Variants in BCL7B observed in about 807,000 individuals in gnomAD.
BCL7B encodes the protein BAF chromatin remodeling complex subunit BCL7B, also known as B-cell CLL/lymphoma 7 protein family member B.
In BCL7B, 11 loss-of-function variants were observed where a neutral mutation model predicts 26.5. The ratio of observed to expected loss-of-function variants is 0.42; its 90% CI spans 0.26 to 0.69. BCL7B has a LOEUF of 0.69. BCL7B is among the 30% of genes least tolerant of loss of function. The pLI, the probability that BCL7B is intolerant of heterozygous loss-of-function variation, is 0.28. For missense variants in BCL7B, 215 were observed against 264.4 expected (o/e 0.81, Z 1.30); for synonymous variants, 111 against 107.9 (o/e 1.03, Z -0.18).
Position 73,543,577 on chromosome 7 carries a change from G to C in BCL7B, c.236C>G (p.Ala79Gly), listed in dbSNP as rs1554583168. ...EPNGFPSDASANSSLLLEFQD... is the reference protein window; with the variant it reads ...EPNGFPSDASGNSSLLLEFQD... ...GAATTCAAGAAGGAGAGAGGAATTGGCTGAGGCATCAGAAGGAAAGCCATT... is the reference window on the plus strand; with the variant it reads ...GAATTCAAGAAGGAGAGAGGAATTGCCTGAGGCATCAGAAGGAAAGCCATT... Residue 79 changes from alanine to glycine, a missense_variant, in exon 3 of 6, where the codon GCC becomes GGC. Coordinates refer to ENST00000223368, the MANE Select transcript of BCL7B (RefSeq NM_001707.4). 6.2e-7 allele frequency: 1 copy of C among 1,613,882 alleles called. No homozygotes were observed. The highest frequency in any genetic ancestry group is 2.2e-5 in the East Asian group (1 of 44,872).
chr7:73,553,468 T>G (rs912610038), intron 1 of BCL7B: 1 of 152,006 alleles, frequency 6.6e-6, no homozygotes, highest in African/African-American at 2.4e-5. Context: ...GGTCAAGAGA[T>G]CGAGACCATC....
At chr7:73,537,423 C>T (rs782079710) in intron 5 of BCL7B, 33 bp from the exon 6 acceptor site, 1 of 1,565,092 alleles carries the variant, frequency 6.4e-7, no homozygotes, top group South Asian at 1.1e-5. Flanking sequence ...ATGCCAGGGC[C>T]ACCCCTCCCA....
At chr7:73,549,090 G>C (rs1792064725) in intron 2 of BCL7B, among the ~76,000 whole-genome samples, 1 of 152,172 alleles carries the variant, frequency 6.6e-6, no homozygotes, top group South Asian at 2.1e-4. Context: ...TCCCTTCCAA[G>C]AATATATCCT....
intron 1 of BCL7B, among the ~76,000 whole-genome samples, chr7:73,552,784 A>G (rs1461326914): frequency 6.6e-6 from 1 of 152,016 alleles, no homozygotes; most frequent in Non-Finnish European, 1.5e-5. Context: ...CTCAAAAGAA[A>G]GAAAGAAAAA....
At position 73,557,365 on chromosome 7, in the gene BCL7B, C is replaced by G. The variant is rs544597664; in HGVS notation, c.92+122G>C. On this transcript the variant is annotated intron_variant, in intron 1 of 5. Coordinates refer to ENST00000223368, the MANE Select transcript of BCL7B (RefSeq NM_001707.4). ...CGACGCCAGCGGCGCCCTCCTCCCG[C>G]CTTCTCCCGCACCCCCCTCCCCCAG... The G allele has an allele frequency of 2.1e-4, 251 of 1,185,284 alleles. No individual in the cohort carries two copies. The African/African-American group carries it at 3.7e-3, about 17-fold the overall frequency. 73.4% of individuals were successfully genotyped at this position (1,185,284 alleles called of 1,614,324 possible).
At chr7:73,552,624 A>G (rs1406596328) in intron 1 of BCL7B, among the ~76,000 whole-genome samples, 1 of 151,916 alleles carries the variant, frequency 6.6e-6, no homozygotes, top group Non-Finnish European at 1.5e-5. Context: ...ACAAAAAAAA[A>G]ACAAAAAGTA....
rs1459629773 is a variant in BCL7B at position 73,542,892 on chromosome 7, T to C, written c.265+656A>G. ...GAGTTCACAACCAGCCTGGACAACA[T>C]AGCCAGACTCTGTCTCTACAAAAAA... is the stretch of plus-strand genomic sequence containing the variant. On this transcript the variant is annotated intron_variant, in intron 3 of 5. Transcript: ENST00000223368. 7 of 447,488 alleles carry C rather than the reference T, an allele frequency of 1.6e-5. No individual in the cohort carries two copies. The East Asian group carries it at 2.8e-4, about 18-fold the overall frequency. The allele number at this position is 447,488 out of a possible 1,614,324, so 27.7% of individuals were successfully genotyped here. A position where few individuals can be genotyped will look rare whatever the true frequency, so the allele number is the denominator to read the frequency against.
intron 1 of BCL7B, among the ~76,000 whole-genome samples, chr7:73,555,401 C>CAAAAAAA (rs71517395): frequency 7.3e-6 from 1 of 136,768 alleles, no homozygotes; most frequent in African/African-American, 2.9e-5. Context: ...GACTCTGTCT[C>CAAAAAAA]AAAAAAAAAG....
At chr7:73,539,234 A>G (rs564800012) in intron 4 of BCL7B, among the ~76,000 whole-genome samples, 2 of 151,948 alleles carry the variant, frequency 1.3e-5, no homozygotes, top group East Asian at 3.9e-4. Flanking sequence ...TGCTGGGATT[A>G]CAGGTGTGAG....
intron 2 of BCL7B, among the ~76,000 whole-genome samples, chr7:73,544,900 A>C (rs1791898806): frequency 6.6e-6 from 1 of 152,082 alleles, no homozygotes; most frequent in Non-Finnish European, 1.5e-5. Context: ...CTCTACAAAA[A>C]AATAAAAAAT....
intron 4 of BCL7B, among the ~76,000 whole-genome samples, chr7:73,538,664 G>A (rs1421597306): frequency 6.6e-6 from 1 of 151,604 alleles, no homozygotes; most frequent in African/African-American, 2.4e-5. Flanking sequence ...AAAATTAAAA[G>A]AAAGCCAGGC....
At chr7:73,541,849 A>G (rs1470222138) in intron 3 of BCL7B, among the ~76,000 whole-genome samples, 1 of 152,092 alleles carries the variant, frequency 6.6e-6, no homozygotes, top group East Asian at 1.9e-4. Flanking sequence ...CTCAGTGCCT[A>G]CTGTTCTCCT....
chr7:73,541,836 G>A lies in BCL7B; in HGVS notation c.265+1712C>T, dbSNP rs1336192282. 2.6e-5 allele frequency among the ~76,000 whole-genome samples: 4 copies of A among 152,114 alleles called. No homozygotes were observed. In the South Asian group the frequency reaches 6.2e-4, roughly 24 times the overall value. On this transcript the variant is annotated intron_variant, in intron 3 of 5. Coordinates refer to ENST00000223368, the MANE Select transcript of BCL7B (RefSeq NM_001707.4). ...ACATAGGAAGTCCTTTCTGATCTCT[G>A]GCCTCAGTGCCTACTGTTCTCCTAC... is the stretch of plus-strand genomic sequence containing the variant.
At chr7:73,545,722 A>G (rs1460314003) in intron 2 of BCL7B, among the ~76,000 whole-genome samples, 2 of 152,146 alleles carry the variant, frequency 1.3e-5, no homozygotes, top group African/African-American at 4.8e-5. Context: ...TCTCAGATAA[A>G]GGCAGAGTCC....
intron 1 of BCL7B, chr7:73,557,031 A>G: frequency 1.0e-6 from 1 of 987,580 alleles, no homozygotes; most frequent in Non-Finnish European, 1.2e-6. Flanking sequence ...GGACTAACCC[A>G]GAAACTCACC....
At chr7:73,540,300 T>C in intron 3 of BCL7B, 1 of 426,902 alleles carries the variant, frequency 2.3e-6, no homozygotes, top group Non-Finnish European at 4.3e-6. Flanking sequence ...TATTATCCAC[T>C]GATTGCAGCT....
In BCL7B at chr7:73,543,597, G is replaced by A; in HGVS notation, c.216C>T (p.Gly72=). The change falls in exon 3 of 6, where the codon GGC becomes GGT. Residue 72 remains glycine, a synonymous_variant. Coordinates refer to ENST00000223368, the MANE Select transcript of BCL7B (RefSeq NM_001707.4). ...SNSSAAREPN[G]FPSDASANSS... ...AATTGGCTGAGGCATCAGAAGGAAAGCCATTAGGTTCTCGGGCTGCTGAAC... is the reference window on the plus strand; with the variant it reads ...AATTGGCTGAGGCATCAGAAGGAAAACCATTAGGTTCTCGGGCTGCTGAAC... The A allele has an allele frequency of 6.2e-7, 1 of 1,613,940 alleles. No individual in the cohort carries two copies. The highest frequency in any genetic ancestry group is 1.1e-5 in the South Asian group (1 of 91,080).
chr7:73,539,601 G>T, intron 4 of BCL7B: 2 of 377,244 alleles, frequency 5.3e-6, no homozygotes, highest in East Asian at 4.4e-5. Context: ...ATCTGTAAAA[G>T]AAGACAATAG....
At chr7:73,557,023 A>C in intron 1 of BCL7B, 1 of 987,514 alleles carries the variant, frequency 1.0e-6, no homozygotes, top group Non-Finnish European at 1.2e-6. Context: ...TGACAGATGG[A>C]CTAACCCAGA....
Sources: gnomAD v4.1 joint callset for allele counts (sites outside exome capture counted in the v4.1 genomes callset) on GRCh38, gnomAD v4.1.1 for gene constraint, MANE v1.5 for transcripts, NCBI Gene and HGNC (gene_info 2026-07-23, HGNC 2026-07-21) for gene names.